The following MTA1 variants were observed in gnomAD, a reference collection of about 807,000 sequenced individuals.
MTA1 encodes metastasis-associated protein MTA1.
Under a neutral mutation model 97.0 loss-of-function variants are expected in MTA1, and 15 were observed. That is an observed-to-expected ratio of 0.15 (90% confidence interval 0.10 to 0.24). MTA1 has a LOEUF of 0.24. MTA1 is among the 10% of genes least tolerant of loss of function. The pLI, the probability that MTA1 is intolerant of heterozygous loss-of-function variation, is 1.00. For synonymous variants in MTA1, 435 were observed against 417.5 expected, an observed-to-expected ratio of 1.04 and a Z score of -0.51; for missense variants, 709 against 1,015.1, an observed-to-expected ratio of 0.70 and a Z score of 4.10.
At chr14:105,441,405 C>T (rs2082508502) in intron 2 of MTA1, among the ~76,000 whole-genome samples, 1 of 152,200 alleles carries the variant, frequency 6.6e-6, no homozygotes, top group Admixed American at 6.5e-5. Context: ...AGCGAGCTGC[C>T]CAGCACCGGG....
intron 18 of MTA1, chr14:105,468,329 C>T (rs1555433409): frequency 3.8e-6 from 5 of 1,304,350 alleles, no homozygotes; most frequent in Non-Finnish European, 5.1e-6. Context: ...CTGTCCACCG[C>T]TCTGGTAGGC....
rs2081807283 is a variant in MTA1 at position 105,420,812 on chromosome 14, C to T, written c.28+749C>T. Among the ~76,000 whole-genome samples the T allele has an allele frequency of 6.6e-6, 1 of 152,212 alleles. No individual in the cohort carries two copies. The highest frequency in any genetic ancestry group is 1.5e-5 in the Non-Finnish European group (1 of 68,026). ...TTGAGCCTTGCCCTCCTTCGTGTGC[C>T]TGGGACTCCGTGGGGTCTTTCACAG... On this transcript the variant is annotated intron_variant, in intron 1 of 20. Coordinates refer to ENST00000331320, the MANE Select transcript of MTA1 (RefSeq NM_004689.4). The surrounding 1 kb of genome is among the most constrained non-coding windows in gnomAD (Gnocchi z 5.3).
Position 105,463,084 on chromosome 14 carries a change from G to GC in MTA1, c.943-95dup. 1 of 1,200,296 alleles carries GC rather than the reference G, an allele frequency of 8.3e-7. No homozygotes were observed. Among genetic ancestry groups the GC allele is most frequent in the Non-Finnish European group, 1.2e-6 (1 of 831,068 alleles). 74.4% of individuals were successfully genotyped at this position (1,200,296 alleles called of 1,614,324 possible). A position where few individuals can be genotyped will look rare whatever the true frequency, so the allele number is the denominator to read the frequency against. ...AGCACACCTCGCCCTCTGGCCTCCC[G>GC]CCCCCTCTGTGGCCTTCTGGCCGCA... On this transcript the variant is annotated intron_variant, in intron 10 of 20. Transcript: ENST00000331320. The surrounding 1 kb of genome is among the most constrained non-coding windows in gnomAD (Gnocchi z 5.9).
chr14:105,441,723 G>A (rs1464093133), intron 2 of MTA1, among the ~76,000 whole-genome samples: 1 of 152,166 alleles, frequency 6.6e-6, no homozygotes, highest in Non-Finnish European at 1.5e-5. Flanking sequence ...GAACCCGGGA[G>A]GTGGAGCTTG....
Position 105,461,929 on chromosome 14 carries a change from C to T in MTA1, c.942+976C>T, listed in dbSNP as rs587727213. Among the ~76,000 whole-genome samples, 3 of 152,344 alleles carry T rather than the reference C, an allele frequency of 2.0e-5. No individual in the cohort carries two copies. In the South Asian group the frequency reaches 6.2e-4, roughly 32 times the overall value. On this transcript the variant is annotated intron_variant, in intron 10 of 20. Transcript: ENST00000331320. ...TAAAAACAAACCAAGATGAGCAGAA[C>T]ATGTTCAGACAAGAGGACGAGGGCT...
rs770123828 is a variant in MTA1 at position 105,424,914 on chromosome 14, G to A, written c.28+4851G>A. On this transcript the variant is annotated intron_variant, in intron 1 of 20. Coordinates refer to ENST00000331320, the MANE Select transcript of MTA1 (RefSeq NM_004689.4). This position sits in a 1 kb window ranked among gnomAD's most constrained non-coding sequence, Gnocchi z 4.0. ...GAAGCACATCCCTCGCGCCCGACCC[G>A]CCCTGGCAGTGCCGTTCCCGCCCGT... Among the ~76,000 whole-genome samples, 19 of 152,194 alleles carry A rather than the reference G, an allele frequency of 1.2e-4. No homozygotes were observed. The highest frequency in any genetic ancestry group is 1.7e-4 in the African/African-American group (7 of 41,456).
rs142569999 is a variant in MTA1, at chr14:105,463,456, T to C, written c.1018-37T>C. The C allele has an allele frequency of 6.5e-3, 10,395 of 1,611,578 alleles. 46 individuals carry two copies. Among genetic ancestry groups the C allele is most frequent in the Middle Eastern group, 0.018 (107 of 6,060 alleles). On this transcript the variant is annotated intron_variant, in intron 11 of 20. Transcript: ENST00000331320. The surrounding 1 kb of genome is among the most constrained non-coding windows in gnomAD (Gnocchi z 5.9). The stretch of plus-strand genomic sequence containing the variant: ...CTGCACTGCAGCCCCAACCTGGGCC[T>C]AGCCTGCTGACCTCTGACCTTCTCT...
At chr14:105,423,215 A>ATTTTTTT (rs1166908446) in intron 1 of MTA1, among the ~76,000 whole-genome samples, 2 of 113,556 alleles carry the variant, frequency 1.8e-5, no homozygotes, top group Non-Finnish European at 1.8e-5. Context: ...TTTTTGTTTA[A>ATTTTTTT]TTTTTTTTTT....
chr14:105,469,410 T>C, intron 18 of MTA1, 57 bp from the exon 19 acceptor site: 1 of 1,590,628 alleles, frequency 6.3e-7, no homozygotes. Flanking sequence ...TGGTGGGCGG[T>C]GGGAGTGCAG....
At chr14:105,440,330 G>C (rs1307767555) in intron 2 of MTA1, among the ~76,000 whole-genome samples, 1 of 152,258 alleles carries the variant, frequency 6.6e-6, no homozygotes, top group Non-Finnish European at 1.5e-5. Flanking sequence ...AACCATGGCT[G>C]GGGGAGGTCC....
intron 16 of MTA1, chr14:105,465,997 C>T: frequency 1.4e-5 from 3 of 219,462 alleles, no homozygotes; most frequent in South Asian, 1.3e-4. Context: ...TGGTCCTCAG[C>T]AGCTGTGTCC....
At chr14:105,458,043 G>A (rs1175311960) in intron 7 of MTA1, among the ~76,000 whole-genome samples, 1 of 152,104 alleles carries the variant, frequency 6.6e-6, no homozygotes, top group Non-Finnish European at 1.5e-5. Flanking sequence ...TGCATTCTGG[G>A]TGGGCTGGGA....
intron 18 of MTA1, chr14:105,469,264 C>G: frequency 1.6e-6 from 1 of 639,586 alleles, no homozygotes; most frequent in Admixed American, 2.3e-5. Flanking sequence ...TCTTGCTGGC[C>G]AGAGAGCTGT....
chr14:105,464,681 A>G lies in MTA1; in HGVS notation c.1352A>G (p.His451Arg). 1 of 1,602,954 alleles carries G rather than the reference A, an allele frequency of 6.2e-7. No homozygotes were observed. The highest frequency in any genetic ancestry group is 8.5e-7 in the Non-Finnish European group (1 of 1,172,800). Residue 451 changes from histidine (H) to arginine (R), a missense_variant, in exon 15 of 21, where the codon CAC (histidine) becomes CGC (arginine). His to Arg is a conservative substitution (Grantham distance 29). Around this residue, in one of 2 missense-constraint regions of MTA1, gnomAD observed 388 missense variants for 421.6 expected, o/e 0.92. Transcript: ENST00000331320. ...TTGCGCCCCCTTCCGCAGAGTCCCC[A>G]CGGCCTCCCAGCCCGGAGCAGCGGG... is the stretch of plus-strand genomic sequence containing the variant. ...PGPNRSNMSP[H>R]GLPARSSGSP...
chr14:105,466,299 C>T (rs957794379), intron 16 of MTA1, 127 bp from the exon 17 acceptor site: 99 of 832,952 alleles, frequency 1.2e-4, no homozygotes, highest in Middle Eastern at 3.3e-4. Context: ...GATGGGGCCT[C>T]GGGTGGGGGC....
At chr14:105,460,521 C>T in intron 9 of MTA1, 64 bp downstream of exon 9, 1 of 1,467,976 alleles carries the variant, frequency 6.8e-7, no homozygotes, top group East Asian at 2.4e-5. Flanking sequence ...GTGGCTGCGC[C>T]CTTCTTCCTA....
chr14:105,465,962 G>GC, intron 16 of MTA1: 1 of 192,896 alleles, frequency 5.2e-6, no homozygotes, highest in Non-Finnish European at 1.1e-5. Context: ...CCTGTCCTGT[G>GC]GGAAGAGGTG....
chr14:105,464,857 G>T lies in MTA1; in HGVS notation c.1528G>T (p.Ala510Ser), dbSNP rs1555432202. ...YLPINSAAIK[A>S]ECTARLPEAS... ...GCCCATCAACAGCGCGGCCATCAAG[G>T]CCGAGTGTGAGTCACCCCAACGCCC... Residue 510 changes from alanine to serine, a missense_variant, in exon 15 of 21, where the codon GCC becomes TCC. This residue lies in a region of MTA1 where 388 missense variants were observed against 421.6 expected (regional missense o/e 0.92). Transcript: ENST00000331320. The T allele has an allele frequency of 1.3e-6, 2 of 1,572,952 alleles. No individual in the cohort carries two copies. Among genetic ancestry groups the T allele is most frequent in the East Asian group, 2.3e-5 (1 of 44,208 alleles).
intron 1 of MTA1, among the ~76,000 whole-genome samples, chr14:105,437,462 C>G (rs914123302): frequency 6.7e-6 from 1 of 149,188 alleles, no homozygotes; most frequent in Non-Finnish European, 1.5e-5. Context: ...CCTGCAGGTG[C>G]GTCCTCATGG....
Sources: gnomAD v4.1 joint callset for allele counts (sites outside exome capture counted in the v4.1 genomes callset) on GRCh38, gnomAD v4.1.1 for gene constraint, gnomAD v4.1.1 regional missense constraint, Gnocchi (gnomAD v3.1) non-coding constraint, MANE v1.5 for transcripts, NCBI Gene and HGNC (gene_info 2026-07-23, HGNC 2026-07-21) for gene names.